The following PIAS1 variants were observed in gnomAD, a reference collection of about 807,000 sequenced individuals.
PIAS1 encodes the protein protein inhibitor of activated STAT 1.
In PIAS1, 6 loss-of-function variants were observed where a neutral mutation model predicts 71.3. The observed-to-expected ratio is 0.08, with a 90% CI of 0.05 to 0.17. The LOEUF is 0.17. Among genes scored for constraint, PIAS1 ranks in the 10% least tolerant of loss-of-function variants. The pLI is 1.00. For synonymous variants in PIAS1, 303 were observed against 292.9 expected (o/e 1.03, Z -0.35); for missense variants, 555 against 793.6 (o/e 0.70, Z 3.61).
At chr15:68,065,617 T>C (rs1243821661) in intron 1 of PIAS1, among the ~76,000 whole-genome samples, 8 of 151,716 alleles carry the variant, frequency 5.3e-5, no homozygotes, top group Non-Finnish European at 1.2e-4. Flanking sequence ...AAAATTTATT[T>C]CTAGTGATCT....
rs1313218507 is a variant in PIAS1 at position 68,167,320 on chromosome 15, T to C, written c.1008+2516T>C. 6.6e-6 allele frequency among the ~76,000 whole-genome samples: 1 copy of C among 152,148 alleles called. No homozygotes were observed. The highest frequency in any genetic ancestry group is 1.5e-5 in the Non-Finnish European group (1 of 68,026). ...AGTAAGATCATGTATTTTAGGTATG[T>C]TTTTACTCAAAAATAAAATTTAATA... On this transcript the variant is annotated intron_variant, in intron 8 of 13. Transcript: ENST00000249636. The surrounding 1 kb of genome is among the most constrained non-coding windows in gnomAD (Gnocchi z 4.4).
intron 12 of PIAS1, among the ~76,000 whole-genome samples, chr15:68,182,257 GT>G (rs1372460648): frequency 6.6e-6 from 1 of 151,588 alleles, no homozygotes; most frequent in Non-Finnish European, 1.5e-5. Flanking sequence ...AAAAAGAATT[GT>G]TTTTATATCT....
At chr15:68,056,657 TAAA>T (rs996704766) in intron 1 of PIAS1, among the ~76,000 whole-genome samples, 18 of 152,112 alleles carry the variant, frequency 1.2e-4, no homozygotes, top group African/African-American at 4.1e-4. Flanking sequence ...ATAGCGGCGT[TAAA>T]AAAATTTGGT....
intron 1 of PIAS1, among the ~76,000 whole-genome samples, chr15:68,079,130 A>G (rs996175852): frequency 1.3e-5 from 2 of 152,006 alleles, no homozygotes; most frequent in Admixed American, 6.6e-5. Context: ...CCAGAATCCA[A>G]ATTCTGTATT....
chr15:68,114,101 A>G (rs2092545615), intron 2 of PIAS1, among the ~76,000 whole-genome samples: 1 of 152,006 alleles, frequency 6.6e-6, no homozygotes, highest in African/African-American at 2.4e-5. Flanking sequence ...TATAAGGTAT[A>G]AAAAGCAAAT....
chr15:68,120,224 A>T (rs1422078611), intron 2 of PIAS1, among the ~76,000 whole-genome samples: 1 of 151,916 alleles, frequency 6.6e-6, no homozygotes, highest in East Asian at 1.9e-4. Flanking sequence ...GGATTTCTTA[A>T]AAACAGGTTA....
intron 1 of PIAS1, among the ~76,000 whole-genome samples, chr15:68,080,209 G>C (rs1211592680): frequency 3.3e-5 from 5 of 152,160 alleles, no homozygotes; most frequent in Non-Finnish European, 7.3e-5. Context: ...AAATGTGGTA[G>C]TATATAAATA....
At chr15:68,104,193 G>T (rs1252675587) in intron 2 of PIAS1, among the ~76,000 whole-genome samples, 1 of 152,066 alleles carries the variant, frequency 6.6e-6, no homozygotes, top group African/African-American at 2.4e-5. Flanking sequence ...CACGTACCTG[G>T]CTTTTTAAAA....
At chr15:68,143,296 C>T (rs997593843) in intron 4 of PIAS1, among the ~76,000 whole-genome samples, 1 of 151,982 alleles carries the variant, frequency 6.6e-6, no homozygotes, top group Non-Finnish European at 1.5e-5. Flanking sequence ...GTTACAAATA[C>T]ACTAGGAGGC....
At chr15:68,077,220 A>C (rs1567030660) in intron 1 of PIAS1, among the ~76,000 whole-genome samples, 1 of 152,226 alleles carries the variant, frequency 6.6e-6, no homozygotes, top group African/African-American at 2.4e-5. Context: ...AATAAAACAA[A>C]CCTAAAACGT....
chr15:68,166,479 G>A (rs548194540), intron 8 of PIAS1, among the ~76,000 whole-genome samples: 11 of 151,524 alleles, frequency 7.3e-5, no homozygotes, highest in African/African-American at 2.7e-4. Flanking sequence ...CTCTTTCTCC[G>A]AAACCCTGAT....
At chr15:68,179,955 G>T (rs2093044011) in intron 11 of PIAS1, among the ~76,000 whole-genome samples, 1 of 152,040 alleles carries the variant, frequency 6.6e-6, no homozygotes, top group South Asian at 2.1e-4. Flanking sequence ...AAAAGCAAAA[G>T]ACAGCCTCTT....
rs766344324 is a variant in PIAS1, at chr15:68,179,564, C to CTTTTTTTTTTTTTTTTTTTTTTTTTTTTT, written c.1482-1620_1482-1619insTTTTTTTTTTTTTTTTTTTTTTTTTTTTT. Among the ~76,000 whole-genome samples, 19 of 40,106 alleles carry CTTTTTTTTTTTTTTTTTTTTTTTTTTTTT rather than the reference C, an allele frequency of 4.7e-4. 6 individuals carry two copies. Among genetic ancestry groups the CTTTTTTTTTTTTTTTTTTTTTTTTTTTTT allele is most frequent in the East Asian group, 2.0e-3 (2 of 998 alleles). 26.3% of individuals were successfully genotyped at this position (40,106 alleles called of 152,430 possible). On this transcript the variant is annotated intron_variant, in intron 11 of 13. Coordinates refer to ENST00000249636, the MANE Select transcript of PIAS1 (RefSeq NM_016166.3). ...CAACCTTGTCATCTCGTGAAATGTTCTTTTTTTTTTTTTTTTTTTTTTTTT... is the reference window on the plus strand; with the variant it reads ...CAACCTTGTCATCTCGTGAAATGTTCTTTTTTTTTTTTTTTTTTTTTTTTTTTTTTTTTTTTTTTTTTTTTTTTTTTTTT...
chr15:68,088,390 T>G (rs2092305441), intron 2 of PIAS1, among the ~76,000 whole-genome samples: 1 of 151,774 alleles, frequency 6.6e-6, no homozygotes, highest in South Asian at 2.1e-4. Context: ...AATTCAGTGT[T>G]TGTGGTGATT....
chr15:68,100,142 A>G (rs1026532749), intron 2 of PIAS1, among the ~76,000 whole-genome samples: 1 of 151,498 alleles, frequency 6.6e-6, no homozygotes, highest in African/African-American at 2.4e-5. Context: ...ATAATTACAG[A>G]TTTGTAGGAA....
At chr15:68,078,315 C>T (rs948514294) in intron 1 of PIAS1, among the ~76,000 whole-genome samples, 2 of 152,182 alleles carry the variant, frequency 1.3e-5, no homozygotes, top group Non-Finnish European at 2.9e-5. Context: ...ATTTCCACTG[C>T]ACAGTTCCTT....
At chr15:68,129,107 G>C (rs949944502) in intron 2 of PIAS1, among the ~76,000 whole-genome samples, 24 of 152,002 alleles carry the variant, frequency 1.6e-4, no homozygotes, top group African/African-American at 5.1e-4. Flanking sequence ...TGTCACTCTG[G>C]CTGGAATGCA....
chr15:68,133,506 A>T (rs77340559), intron 2 of PIAS1, among the ~76,000 whole-genome samples: 3,162 of 152,200 alleles, frequency 0.021, 110 homozygotes, highest in African/African-American at 0.072. Context: ...AAAATAGAGT[A>T]CCAGCACCAG....
chr15:68,088,181 T>TATATATATATATATATATATAC, intron 2 of PIAS1, among the ~76,000 whole-genome samples: 1 of 137,098 alleles, frequency 7.3e-6, no homozygotes, highest in African/African-American at 2.8e-5. Flanking sequence ...TGTGTGTATA[T>TATATATATATATATATATATAC]ATATATATAT....
Sources: allele counts gnomAD v4.1 joint callset (sites outside exome capture counted in the v4.1 genomes callset), GRCh38; gene constraint gnomAD v4.1.1; non-coding constraint Gnocchi (gnomAD v3.1); transcripts MANE v1.5; gene names NCBI Gene and HGNC (gene_info 2026-07-23, HGNC 2026-07-21).